The following MAGI2 variants were observed in gnomAD, a reference collection of about 807,000 sequenced individuals.
The protein encoded by MAGI2 is membrane-associated guanylate kinase, WW and PDZ domain-containing protein 2.
Under a neutral mutation model 133.3 loss-of-function variants are expected in MAGI2, and 35 were observed. The observed-to-expected ratio is 0.26, with a 90% CI of 0.20 to 0.35. The LOEUF (loss-of-function observed/expected upper bound fraction) is 0.35, where lower values mean the gene tolerates loss of function less well. Among genes scored for constraint, MAGI2 ranks in the 10% least tolerant of loss-of-function variants. The pLI, the probability that MAGI2 is intolerant of heterozygous loss-of-function variation, is 1.00. For synonymous variants in MAGI2, 729 were observed against 710.6 expected (o/e 1.03, Z -0.41); for missense variants, 1,636 against 1,863.4 (o/e 0.88, Z 2.25).
chr7:79,162,995 A>G (rs1824520214), intron 1 of MAGI2, among the ~76,000 whole-genome samples: 1 of 152,020 alleles, frequency 6.6e-6, no homozygotes, highest in Non-Finnish European at 1.5e-5. Flanking sequence ...CCTCTGCCAT[A>G]GGGAGTCCTG....
intron 3 of MAGI2, among the ~76,000 whole-genome samples, chr7:78,556,485 C>CT (rs1270898179): frequency 6.6e-6 from 1 of 152,102 alleles, no homozygotes; most frequent in Non-Finnish European, 1.5e-5. Context: ...GATGACAACT[C>CT]TAAAATGTTT....
At position 78,972,004 on chromosome 7, in the gene MAGI2, A is replaced by G. The variant is rs562789088; in HGVS notation, c.418+35086T>C. ...TTCTACAAATGTTTGCCTTTCATAC[A>G]TCACAAAAAATAAGAGATGAAAAGG... On this transcript the variant is annotated intron_variant, in intron 2 of 21. Transcript: ENST00000354212. Among the ~76,000 whole-genome samples, 9 of 152,120 alleles carry G rather than the reference A, an allele frequency of 5.9e-5. No individual in the cohort carries two copies. In the East Asian group the frequency reaches 1.6e-3, roughly 26 times the overall value.
At chr7:78,096,167 G>A (rs1218722579) in intron 20 of MAGI2, among the ~76,000 whole-genome samples, 1 of 152,250 alleles carries the variant, frequency 6.6e-6, no homozygotes, top group African/African-American at 2.4e-5. Context: ...GTGAAGGCAT[G>A]AAGGACACTG....
chr7:78,597,908 G>A (rs1804789336), intron 3 of MAGI2, among the ~76,000 whole-genome samples: 1 of 151,344 alleles, frequency 6.6e-6, no homozygotes, highest in Non-Finnish European at 1.5e-5. Flanking sequence ...ATTTGCATAA[G>A]TCTATTTAAT....
intron 9 of MAGI2, among the ~76,000 whole-genome samples, chr7:78,289,621 G>T (rs973829255): frequency 2.0e-5 from 3 of 152,062 alleles, no homozygotes; most frequent in Admixed American, 2.0e-4. Context: ...TACTCCTCGA[G>T]AAGAGCAACC....
Position 79,229,773 on chromosome 7 carries a change from T to A in MAGI2, c.302-222567A>T, listed in dbSNP as rs1025893808. Among the ~76,000 whole-genome samples the A allele has an allele frequency of 2.2e-4, 34 of 152,236 alleles. 1 individual carries two copies. The highest frequency in any genetic ancestry group is 8.2e-4 in the African/African-American group (34 of 41,566). ...CAAAATTTATTTGAAAAATATTCTT[T>A]TTTTTTAAGTTTTTTTAAAAATTTT... On this transcript the variant is annotated intron_variant, in intron 1 of 21. Transcript: ENST00000354212.
At chr7:79,162,150 G>A (rs1413671024) in intron 1 of MAGI2, among the ~76,000 whole-genome samples, 2 of 151,900 alleles carry the variant, frequency 1.3e-5, no homozygotes, top group African/African-American at 4.8e-5. Flanking sequence ...ATCACAGATT[G>A]AATAATTATT....
At chr7:78,484,597 T>C (rs192807467) in intron 6 of MAGI2, 2 of 152,110 alleles carry the variant, frequency 1.3e-5, no homozygotes, top group East Asian at 3.9e-4. Flanking sequence ...AGATGGATAA[T>C]TTTAGCCTAT....
At chr7:78,141,220 C>T (rs1010452495) in intron 16 of MAGI2, among the ~76,000 whole-genome samples, 13 of 152,206 alleles carry the variant, frequency 8.5e-5, no homozygotes, top group Non-Finnish European at 1.8e-4. Flanking sequence ...GCCCAGCTCC[C>T]GTGAATGGAG....
chr7:78,766,840 G>A (rs1055237411), intron 2 of MAGI2, among the ~76,000 whole-genome samples: 1 of 152,168 alleles, frequency 6.6e-6, no homozygotes, highest in Non-Finnish European at 1.5e-5. Context: ...AGCCATCCTT[G>A]TGATGAGAAC....
At chr7:79,409,351 C>A (rs1846005939) in intron 1 of MAGI2, among the ~76,000 whole-genome samples, 1 of 152,062 alleles carries the variant, frequency 6.6e-6, no homozygotes. Context: ...TCTTGAACTC[C>A]TGGCCTCAAG....
intron 3 of MAGI2, chr7:78,618,872 G>A (rs1280328255): frequency 5.9e-5 from 9 of 151,412 alleles, no homozygotes; most frequent in South Asian, 2.1e-4. Context: ...TGTAAAGGAC[G>A]GAGGGTAGAC....
intron 1 of MAGI2, among the ~76,000 whole-genome samples, chr7:79,253,981 T>TCAAAACAAAA (rs71951560): frequency 1.6e-4 from 24 of 151,162 alleles, no homozygotes; most frequent in Admixed American, 3.3e-4. Context: ...AAATTGCCCT[T>TCAAAACAAAA]CAAAACAAAA....
intron 2 of MAGI2, among the ~76,000 whole-genome samples, chr7:78,865,938 T>C (rs900913108): frequency 7.9e-5 from 12 of 152,250 alleles, no homozygotes; most frequent in African/African-American, 2.9e-4. Flanking sequence ...AACAAGCTAT[T>C]TAGACATTTT....
intron 1 of MAGI2, among the ~76,000 whole-genome samples, chr7:79,309,392 T>TTATATC: frequency 6.7e-6 from 1 of 150,362 alleles, no homozygotes; most frequent in Non-Finnish European, 1.5e-5. Context: ...ATTATATATA[T>TTATATC]TATATCTATA....
intron 6 of MAGI2, among the ~76,000 whole-genome samples, chr7:78,462,757 A>G (rs1448663465): frequency 6.6e-6 from 1 of 152,200 alleles, no homozygotes; most frequent in Non-Finnish European, 1.5e-5. Context: ...GTAAAATTGT[A>G]ATGCTGCTGT....
intron 14 of MAGI2, among the ~76,000 whole-genome samples, chr7:78,171,149 GA>G (rs1037328117): frequency 1.3e-5 from 2 of 152,054 alleles, no homozygotes; most frequent in African/African-American, 4.8e-5. Context: ...TCTATTCTGA[GA>G]AAAAAACAAC....
At chr7:78,113,297 C>A (rs1819538614) in intron 20 of MAGI2, among the ~76,000 whole-genome samples, 1 of 152,022 alleles carries the variant, frequency 6.6e-6, no homozygotes, top group African/African-American at 2.4e-5. Context: ...TGAAAAGGAA[C>A]CATCTTATCT....
At chr7:79,043,570 T>C (rs975238833) in intron 1 of MAGI2, among the ~76,000 whole-genome samples, 28 of 134,386 alleles carry the variant, frequency 2.1e-4, no homozygotes, top group Non-Finnish European at 4.0e-4. Context: ...AAAAAGAAAT[T>C]GAGACACAAA....
Sources: allele counts gnomAD v4.1 joint callset (sites outside exome capture counted in the v4.1 genomes callset), GRCh38; gene constraint gnomAD v4.1.1; transcripts MANE v1.5; gene names NCBI Gene and HGNC (gene_info 2026-07-23, HGNC 2026-07-21).